The following SLC44A5 variants were observed in gnomAD, a reference collection of about 807,000 sequenced individuals.
The protein encoded by SLC44A5 is choline transporter-like protein 5.
SLC44A5 carries 57 observed loss-of-function variants against 101.8 expected under a neutral mutation model. That is an observed-to-expected ratio of 0.56 (90% CI 0.45 to 0.70). The LOEUF (loss-of-function observed/expected upper bound fraction) is 0.70, where lower values mean the gene tolerates loss of function less well. Among genes scored for constraint, SLC44A5 ranks in the 30% least tolerant of loss-of-function variants. The pLI, the probability that SLC44A5 is intolerant of heterozygous loss-of-function variation, is 0.00. For missense variants in SLC44A5, 737 were observed against 853.1 expected, an observed-to-expected ratio of 0.86 and a Z score of 1.70; for synonymous variants, 281 against 290.9, an observed-to-expected ratio of 0.97 and a Z score of 0.35.
chr1:75,280,636 G>A (rs1146452), intron 5 of SLC44A5, among the ~76,000 whole-genome samples: 68 of 150,320 alleles, frequency 4.5e-4, no homozygotes, highest in African/African-American at 1.6e-3. Flanking sequence ...TAATCCTCAC[G>A]TGTTGGAAGA....
chr1:75,637,730 T>C, the SLC44A5 span, among the ~76,000 whole-genome samples: 3 of 152,036 alleles, frequency 2.0e-5, no homozygotes, highest in Non-Finnish European at 4.4e-5. Flanking sequence ...CTTCATTGTA[T>C]TTAAAGTTTA....
intron 13 of SLC44A5, among the ~76,000 whole-genome samples, chr1:75,223,271 C>G (rs1647126979): frequency 6.6e-6 from 1 of 152,172 alleles, no homozygotes; most frequent in Non-Finnish European, 1.5e-5. Context: ...CGAGGCACTT[C>G]TATATCCTTA....
chr1:75,593,499 G>A (rs1244434344), intron 1 of SLC44A5, among the ~76,000 whole-genome samples: 8 of 152,078 alleles, frequency 5.3e-5, no homozygotes, highest in Non-Finnish European at 4.4e-5. Context: ...ATACCCAAAA[G>A]AAAGGAAATC....
chr1:75,510,869 G>A (rs1409726717), intron 2 of SLC44A5, among the ~76,000 whole-genome samples: 4 of 152,178 alleles, frequency 2.6e-5, no homozygotes, highest in Non-Finnish European at 4.4e-5. Flanking sequence ...TAGGCCGGGC[G>A]CTGTGGCTCA....
chr1:75,643,887 T>A, the SLC44A5 span, among the ~76,000 whole-genome samples: 1 of 152,186 alleles, frequency 6.6e-6, no homozygotes, highest in Admixed American at 6.6e-5. Context: ...GAAACAGTAA[T>A]GTGAGTATAC....
chr1:75,204,104 T>C (rs1338027178), intron 23 of SLC44A5, among the ~76,000 whole-genome samples: 1 of 152,212 alleles, frequency 6.6e-6, no homozygotes, highest in Non-Finnish European at 1.5e-5. Flanking sequence ...CTCAGTTGCA[T>C]GATTGAGAAA....
At chr1:75,694,512 T>C in the SLC44A5 span, among the ~76,000 whole-genome samples, 27 of 152,242 alleles carry the variant, frequency 1.8e-4, no homozygotes, top group African/African-American at 5.8e-4. Flanking sequence ...GTAAATCCTA[T>C]TGGAATGGTA....
In SLC44A5 at chr1:75,477,658, G is replaced by C; in HGVS notation, c.13+63777C>G. Among the ~76,000 whole-genome samples, 2 of 152,180 alleles carry C rather than the reference G, an allele frequency of 1.3e-5. 1 individual carries two copies. Among genetic ancestry groups the C allele is most frequent in the Non-Finnish European group, 2.9e-5 (2 of 68,042 alleles). On this transcript the variant is annotated intron_variant, in intron 2 of 23. Transcript: ENST00000370859. ...ACTGGAAGAAAGGGTATCAGTGATG[G>C]AAGATGAAAAGAATGAAATGAAACG...
intron 2 of SLC44A5, among the ~76,000 whole-genome samples, chr1:75,445,561 T>TACGTAATATATAC (rs375639792): frequency 4.0e-5 from 6 of 148,462 alleles, no homozygotes; most frequent in Non-Finnish European, 5.9e-5. Flanking sequence ...ATGTATAAAT[T>TACGTAATATATAC]ATATATATAA....
intron 3 of SLC44A5, among the ~76,000 whole-genome samples, chr1:75,386,546 A>T (rs1484076030): frequency 1.3e-5 from 2 of 152,210 alleles, no homozygotes; most frequent in Non-Finnish European, 2.9e-5. Flanking sequence ...ACCGCTGCTC[A>T]AGGAAATAAA....
intron 3 of SLC44A5, among the ~76,000 whole-genome samples, chr1:75,365,504 A>C (rs544600328): frequency 2.0e-5 from 3 of 152,320 alleles, no homozygotes; most frequent in South Asian, 2.1e-4. Context: ...CTAGAGACAG[A>C]AATGCCACTC....
At chr1:75,469,770 T>C (rs945891414) in intron 2 of SLC44A5, among the ~76,000 whole-genome samples, 29 of 151,792 alleles carry the variant, frequency 1.9e-4, no homozygotes, top group Non-Finnish European at 4.3e-4. Flanking sequence ...CATGGTGGTG[T>C]ATGCCTGTAG....
chr1:75,387,002 G>T (rs1029757187), intron 3 of SLC44A5, among the ~76,000 whole-genome samples: 73 of 151,738 alleles, frequency 4.8e-4, no homozygotes, highest in Admixed American at 2.2e-3. Context: ...AAACTGGCTA[G>T]CCATATGTAG....
chr1:75,515,258 T>C (rs1384103440), intron 2 of SLC44A5, among the ~76,000 whole-genome samples: 1 of 152,218 alleles, frequency 6.6e-6, no homozygotes, highest in African/African-American at 2.4e-5. Context: ...ATTCATCACG[T>C]CAAATACTTA....
chr1:75,211,576 C>A (rs759469745), intron 22 of SLC44A5, 24 bp from the exon 23 acceptor site: 72 of 1,508,412 alleles, frequency 4.8e-5, no homozygotes, highest in Non-Finnish European at 6.4e-5. Flanking sequence ...AAGAAGAGAA[C>A]CAACATGTCA....
chr1:75,696,255 A>G, the SLC44A5 span, among the ~76,000 whole-genome samples: 1 of 152,342 alleles, frequency 6.6e-6, no homozygotes, highest in East Asian at 1.9e-4. Flanking sequence ...CTCTGTCCAA[A>G]GGTGACATGT....
chr1:75,682,463 T>C, the SLC44A5 span, among the ~76,000 whole-genome samples: 5 of 151,822 alleles, frequency 3.3e-5, no homozygotes, highest in South Asian at 2.1e-4. Context: ...TATCTACAAC[T>C]ATCTGATCTT....
the SLC44A5 span, among the ~76,000 whole-genome samples, chr1:75,656,107 C>A: frequency 1.3e-5 from 2 of 152,144 alleles, no homozygotes; most frequent in Non-Finnish European, 2.9e-5. Flanking sequence ...GGAATGACAT[C>A]TTCAAAGTGC....
At chr1:75,466,945 G>A (rs887027851) in intron 2 of SLC44A5, among the ~76,000 whole-genome samples, 3 of 151,948 alleles carry the variant, frequency 2.0e-5, no homozygotes, top group Non-Finnish European at 4.4e-5. Context: ...AACCTACACT[G>A]CACAAAAAAC....
Sources: allele counts gnomAD v4.1 joint callset (sites outside exome capture counted in the v4.1 genomes callset), GRCh38; gene constraint gnomAD v4.1.1; transcripts MANE v1.5; gene names NCBI Gene and HGNC (gene_info 2026-07-23, HGNC 2026-07-21).